Variants in SIL1 observed in about 807,000 individuals in gnomAD.
SIL1 encodes the protein SIL1 nucleotide exchange factor.
In SIL1, 40 loss-of-function variants were observed where a neutral mutation model predicts 49.1. The observed-to-expected ratio is 0.81, with a 90% CI of 0.63 to 1.06. The LOEUF is 1.06. Among genes scored for constraint, SIL1 ranks in the 50% least tolerant of loss-of-function variants. The probability of loss-of-function intolerance (pLI) is 0.00; values close to 1 mark genes in which losing one functional copy is unlikely to be tolerated. For synonymous variants in SIL1, 253 were observed against 250.8 expected (o/e 1.01, Z -0.08); for missense variants, 500 against 572.6 (o/e 0.87, Z 1.29).
At chr5:139,156,517 A>G (rs1401597696) in intron 1 of SIL1, among the ~76,000 whole-genome samples, 1 of 151,654 alleles carries the variant, frequency 6.6e-6, no homozygotes, top group Non-Finnish European at 1.5e-5. Flanking sequence ...AGGGAATAAG[A>G]AAAAAAAAGG....
chr5:139,172,477 C>T (rs1444001064), intron 1 of SIL1, among the ~76,000 whole-genome samples: 1 of 151,856 alleles, frequency 6.6e-6, no homozygotes, highest in Non-Finnish European at 1.5e-5. Flanking sequence ...ACTAAAAATA[C>T]AAAAAATTAG....
intron 7 of SIL1, among the ~76,000 whole-genome samples, chr5:138,966,064 A>G (rs761571036): frequency 3.3e-5 from 5 of 151,974 alleles, no homozygotes; most frequent in Non-Finnish European, 7.4e-5. Flanking sequence ...CTGTCAAATG[A>G]GGGTTACTTC....
chr5:138,975,211 T>A (rs1580998089), intron 7 of SIL1, among the ~76,000 whole-genome samples: 1 of 152,114 alleles, frequency 6.6e-6, no homozygotes, highest in Non-Finnish European at 1.5e-5. Flanking sequence ...AAGGGGCTGG[T>A]CAGCTGGTCA....
At chr5:139,127,072 G>A (rs1750768662) in intron 2 of SIL1, among the ~76,000 whole-genome samples, 2 of 152,226 alleles carry the variant, frequency 1.3e-5, no homozygotes, top group African/African-American at 4.8e-5. Flanking sequence ...CAAGCTCAGG[G>A]CCTTTCTGGG....
At chr5:138,983,739 T>C (rs1175624252) in intron 7 of SIL1, among the ~76,000 whole-genome samples, 1 of 151,924 alleles carries the variant, frequency 6.6e-6, no homozygotes, top group Non-Finnish European at 1.5e-5. Context: ...TGGCAGAAAC[T>C]ATGAACATGA....
intron 3 of SIL1, among the ~76,000 whole-genome samples, chr5:139,063,589 TCTCA>T (rs1255557470): frequency 6.6e-6 from 1 of 152,248 alleles, no homozygotes; most frequent in African/African-American, 2.4e-5. Flanking sequence ...TTTTTTAAAT[TCTCA>T]CTATAATTGA....
intron 1 of SIL1, among the ~76,000 whole-genome samples, chr5:139,143,553 G>A (rs1325701723): frequency 6.6e-6 from 1 of 151,772 alleles, no homozygotes; most frequent in Non-Finnish European, 1.5e-5. Context: ...TGTATTTTTA[G>A]TAGAGATGGG....
chr5:139,155,480 C>T (rs556182901), intron 1 of SIL1: 3 of 73,384 alleles, frequency 4.1e-5, no homozygotes, highest in African/African-American at 7.3e-5. Flanking sequence ...AGAGAGAGAA[C>T]GAGCTCTCGA....
intron 3 of SIL1, among the ~76,000 whole-genome samples, chr5:139,111,988 G>C: frequency 6.6e-6 from 1 of 152,236 alleles, no homozygotes; most frequent in Non-Finnish European, 1.5e-5. Context: ...GCGATTGCAG[G>C]TGCGCGCCGC....
chr5:139,005,059 T>C (rs954681984), intron 7 of SIL1, among the ~76,000 whole-genome samples: 2 of 152,168 alleles, frequency 1.3e-5, no homozygotes, highest in African/African-American at 4.8e-5. Flanking sequence ...AAGATATCTA[T>C]CATATAGCAT....
chr5:139,004,527 T>C (rs947208152), intron 7 of SIL1, among the ~76,000 whole-genome samples: 3 of 152,222 alleles, frequency 2.0e-5, no homozygotes, highest in Admixed American at 2.0e-4. Flanking sequence ...TTCACATCTC[T>C]TAACCTCTTT....
chr5:139,152,393 G>T (rs1304168218), intron 1 of SIL1, among the ~76,000 whole-genome samples: 1 of 152,126 alleles, frequency 6.6e-6, no homozygotes, highest in African/African-American at 2.4e-5. Context: ...GGCCGAGGCA[G>T]GTGGACTGCC....
intron 1 of SIL1, among the ~76,000 whole-genome samples, chr5:139,191,256 ATACT>A (rs1392997315): frequency 6.6e-6 from 1 of 151,468 alleles, no homozygotes; most frequent in Admixed American, 6.6e-5. Flanking sequence ...GCATCCTTAA[ATACT>A]TACTTACAAC....
At chr5:139,134,818 G>C (rs531100388) in intron 1 of SIL1, among the ~76,000 whole-genome samples, 1 of 152,184 alleles carries the variant, frequency 6.6e-6, no homozygotes, top group East Asian at 1.9e-4. Context: ...CTGAAGGTTA[G>C]AGGATGAGCT....
chr5:139,130,132 A>T (rs999840826), intron 1 of SIL1, among the ~76,000 whole-genome samples: 16 of 152,098 alleles, frequency 1.1e-4, no homozygotes, highest in Non-Finnish European at 2.2e-4. Flanking sequence ...AAAATTTTTT[A>T]AATTAGCCAG....
At chr5:139,008,519 G>C (rs1167540008) in intron 7 of SIL1, among the ~76,000 whole-genome samples, 1 of 138,476 alleles carries the variant, frequency 7.2e-6, no homozygotes, top group Non-Finnish European at 1.5e-5. Flanking sequence ...GAATGTGTTT[G>C]CTCTTGCTTT....
In SIL1 at chr5:138,947,499, A is replaced by T; in HGVS notation, c.1030-26T>A. 25 of 1,573,696 alleles carry T rather than the reference A, an allele frequency of 1.6e-5. No individual in the cohort carries two copies. The highest frequency in any genetic ancestry group is 4.0e-5 in the African/African-American group (3 of 74,238). On this transcript the variant is annotated intron_variant, in intron 9 of 9. Transcript: ENST00000394817. The surrounding 1 kb of genome is among the most constrained non-coding windows in gnomAD (Gnocchi z 4.1). ...CTGCCATCCGCCACAGCCGCAGGCC[A>T]GGTAGGGTGGGGGTGGGGAGAGAAC...
At chr5:139,002,501 G>A (rs940311626) in intron 7 of SIL1, among the ~76,000 whole-genome samples, 3 of 152,114 alleles carry the variant, frequency 2.0e-5, no homozygotes, top group Middle Eastern at 3.4e-3. Context: ...TAAAAAAATA[G>A]AAACCATGAA....
Position 139,128,693 on chromosome 5 carries a change from C to T in SIL1, c.-10-840G>A, listed in dbSNP as rs111731024. The stretch of plus-strand genomic sequence containing the variant: ...TTAAAAGAATATAAGGATGGAAGGA[C>T]ATCCCATGTTCATGAATTAGAGACT... On this transcript the variant is annotated intron_variant, in intron 1 of 9. Coordinates refer to ENST00000394817, the MANE Select transcript of SIL1 (RefSeq NM_022464.5). Among the ~76,000 whole-genome samples, 1,005 of 151,820 alleles carry T rather than the reference C, an allele frequency of 6.6e-3. 5 individuals carry two copies. The highest frequency in any genetic ancestry group is 0.022 in the African/African-American group (916 of 41,354).
Sources: allele counts gnomAD v4.1 joint callset (sites outside exome capture counted in the v4.1 genomes callset), GRCh38; gene constraint gnomAD v4.1.1; non-coding constraint Gnocchi (gnomAD v3.1); transcripts MANE v1.5; gene names NCBI Gene and HGNC (gene_info 2026-07-23, HGNC 2026-07-21).